ZNF790: variants seen among roughly 807,000 people sequenced by gnomAD.
The protein encoded by ZNF790 is zinc finger protein 790.
A neutral mutation model predicts 12.1 loss-of-function variants in ZNF790; 8 were observed. That is an observed-to-expected ratio of 0.66 (90% CI 0.39 to 1.19). The LOEUF (loss-of-function observed/expected upper bound fraction) is 1.19, where lower values mean the gene tolerates loss of function less well. Ranked by LOEUF, ZNF790 falls within the 50% of genes most tolerant of loss-of-function variation. ZNF790 has a pLI of 0.01. For missense variants in ZNF790, 707 were observed against 752.2 expected (o/e 0.94, Z 0.70); for synonymous variants, 252 against 244.3 (o/e 1.03, Z -0.29).
intron 1 of ZNF790, among the ~76,000 whole-genome samples, chr19:36,844,550 C>G (rs577223729): frequency 1.4e-4 from 22 of 151,866 alleles, no homozygotes; most frequent in Admixed American, 1.3e-3. Context: ...GGAGAAGAAC[C>G]CTATTTGAAG....
intron 1 of ZNF790, chr19:36,828,051 A>T: frequency 6.6e-6 from 1 of 152,224 alleles, no homozygotes; most frequent in African/African-American, 2.4e-5. Flanking sequence ...GCACTTTTCC[A>T]AGAAGAGTGA....
At chr19:36,841,847 T>C (rs1311413260), upstream of ZNF790, among the ~76,000 whole-genome samples, 8 of 110,020 alleles carry the variant, frequency 7.3e-5, 2 homozygotes, top group African/African-American at 2.8e-4. Flanking sequence ...AGACTCCATC[T>C]CGGGGTGGGG....
At chr19:36,821,478 A>G (rs2071669956) in intron 4 of ZNF790, among the ~76,000 whole-genome samples, 1 of 152,202 alleles carries the variant, frequency 6.6e-6, no homozygotes, top group African/African-American at 2.4e-5. Context: ...TAAGTGCCTG[A>G]CACAGGATAC....
chr19:36,840,744 A>C (rs1267153471), upstream of ZNF790, among the ~76,000 whole-genome samples: 1 of 152,234 alleles, frequency 6.6e-6, no homozygotes, highest in Admixed American at 6.5e-5. Flanking sequence ...CAGACCTGCT[A>C]TGTTAACTAA....
rs1164033539 is a variant in ZNF790 at position 36,838,104 on chromosome 19, GCGCACACACACACACACACACA to G, written c.-74+211_-74+232del. ...GCCTGTCAACGTCGTGTGCGCGTGC[GCGCACACACACACACACACACA>G]CATACACACACACACACACAAGCTC... On this transcript the variant is annotated intron_variant, in intron 1 of 4. Coordinates refer to ENST00000356725, the MANE Select transcript of ZNF790 (RefSeq NM_206894.4). The surrounding 1 kb of genome is among the most constrained non-coding windows in gnomAD (Gnocchi z 4.4). The G allele has an allele frequency of 2.5e-5, 1 of 39,608 alleles. No homozygotes were observed. Among genetic ancestry groups the G allele is most frequent in the Non-Finnish European group, 5.1e-5 (1 of 19,736 alleles). The allele number at this position is 39,608 out of a possible 1,614,324, so 2.5% of individuals were successfully genotyped here.
chr19:36,850,558 G>A (rs780677318), upstream of ZNF790: 3 of 152,358 alleles, frequency 2.0e-5, no homozygotes, highest in Non-Finnish European at 4.4e-5. Context: ...AACTGGCTTA[G>A]CTGGATTCTT....
At chr19:36,848,710 A>T (rs2072205171) in intron 1 of ZNF790, among the ~76,000 whole-genome samples, 1 of 152,136 alleles carries the variant, frequency 6.6e-6, no homozygotes, top group Non-Finnish European at 1.5e-5. Context: ...GAAGGAAGGG[A>T]GAAGACAGAA....
At chr19:36,824,097 C>T (rs1297536847) in intron 2 of ZNF790, among the ~76,000 whole-genome samples, 4 of 146,470 alleles carry the variant, frequency 2.7e-5, no homozygotes, top group Admixed American at 1.4e-4. Context: ...CCCGGGTTCA[C>T]GCCATTCTCC....
chr19:36,829,476 T>C (rs1024666956), intron 1 of ZNF790, among the ~76,000 whole-genome samples: 1 of 152,256 alleles, frequency 6.6e-6, no homozygotes, highest in African/African-American at 2.4e-5. Flanking sequence ...CATTCCTTGC[T>C]ATGCCTGAAT....
Position 36,819,121 on chromosome 19 carries a change from T to A in ZNF790, c.1223A>T (p.His408Leu), listed in dbSNP as rs767319593. ...KCGKAYIWSS[H>L]LARHQRIHTG... ...ATGAATTCGCTGATGTCGAGCAAGGTGTGAGCTCCAAATATAGGCTTTCCC... is the reference window on the plus strand; with the variant it reads ...ATGAATTCGCTGATGTCGAGCAAGGAGTGAGCTCCAAATATAGGCTTTCCC... The change falls in exon 5 of 5, where the codon CAC becomes CTC. Residue 408 changes from histidine (H) to leucine (L), a missense_variant. His to Leu is a moderately conservative substitution (Grantham distance 99). Transcript: ENST00000356725. 6.2e-7 allele frequency: 1 copy of A among 1,613,508 alleles called. No homozygotes were observed. Among genetic ancestry groups the A allele is most frequent in the African/African-American group, 1.3e-5 (1 of 74,884 alleles).
intron 1 of ZNF790, among the ~76,000 whole-genome samples, chr19:36,834,425 C>T (rs1466909991): frequency 6.6e-6 from 1 of 152,090 alleles, no homozygotes; most frequent in Non-Finnish European, 1.5e-5. Context: ...CTGGCACTTC[C>T]CAAAGGAAGA....
chr19:36,823,911 G>A (rs1013567538), intron 2 of ZNF790, 121 bp from the exon 3 acceptor site: 12 of 811,752 alleles, frequency 1.5e-5, no homozygotes, highest in Non-Finnish European at 1.9e-5. Context: ...TATATTGGGC[G>A]AAAAACTGGA....
chr19:36,823,477 G>T, intron 3 of ZNF790, 97 bp from the exon 4 acceptor site: 2 of 1,319,714 alleles, frequency 1.5e-6, no homozygotes, highest in Non-Finnish European at 2.1e-6. Flanking sequence ...ACAATTACAG[G>T]CAGGACAAAA....
At chr19:36,836,288 G>T (rs2072043065) in intron 1 of ZNF790, among the ~76,000 whole-genome samples, 1 of 151,988 alleles carries the variant, frequency 6.6e-6, no homozygotes, top group Non-Finnish European at 1.5e-5. Context: ...AACCAAAGAA[G>T]TTTAGTCTAA....
intron 4 of ZNF790, among the ~76,000 whole-genome samples, chr19:36,821,545 G>A (rs576828725): frequency 4.6e-5 from 7 of 152,166 alleles, no homozygotes; most frequent in African/African-American, 9.6e-5. Flanking sequence ...TGGAGAATAC[G>A]GGGAACTAGA....
At position 36,819,609 on chromosome 19, in the gene ZNF790, C is replaced by T; in HGVS notation, c.735G>A (p.Lys245=). The change falls in exon 5 of 5, where the codon AAG becomes AAA. Residue 245 remains lysine, a synonymous_variant. Coordinates refer to ENST00000356725, the MANE Select transcript of ZNF790 (RefSeq NM_206894.4). The part of the protein sequence containing the change: ...FSLRSSLTGH[K]RIHTGEKPFK... ...AAGGTTTCTCACCGGTATGAATTCT[C>T]TTATGACCAGTAAGACTCGAACGTA... 6.2e-7 allele frequency: 1 copy of T among 1,608,180 alleles called. No individual in the cohort carries two copies. Among genetic ancestry groups the T allele is most frequent in the East Asian group, 2.2e-5 (1 of 44,788 alleles).
At chr19:36,834,340 T>A (rs1051822554) in intron 1 of ZNF790, among the ~76,000 whole-genome samples, 1 of 151,608 alleles carries the variant, frequency 6.6e-6, no homozygotes, top group Non-Finnish European at 1.5e-5. Flanking sequence ...AAGGGACTCA[T>A]TCAGATTATA....
chr19:36,820,036 A>G lies in ZNF790; in HGVS notation c.308T>C (p.Ile103Thr). ...GCTGTGGTTTTTACAAATTCTCATTATTTCCAATTGGGCTATTTCTCTCTC... is the reference window on the plus strand; with the variant it reads ...GCTGTGGTTTTTACAAATTCTCATTGTTTCCAATTGGGCTATTTCTCTCTC... ...IFEREIAQLEIMRICKNHSLD... is the reference protein window; with the variant it reads ...IFEREIAQLETMRICKNHSLD... The change falls in exon 5 of 5, where the codon ATA (isoleucine) becomes ACA (threonine). Residue 103 changes from isoleucine to threonine, a missense_variant. Transcript: ENST00000356725. The G allele has an allele frequency of 6.2e-7, 1 of 1,613,254 alleles. No individual in the cohort carries two copies. The highest frequency in any genetic ancestry group is 1.3e-5 in the African/African-American group (1 of 75,036).
rs772943324 is a variant in ZNF790, at chr19:36,823,661, T to C, written c.133+6A>G. 1.2e-6 allele frequency: 2 copies of C among 1,601,366 alleles called. No individual in the cohort carries two copies. Among genetic ancestry groups the C allele is most frequent in the East Asian group, 2.2e-5 (1 of 44,850 alleles). On this transcript the variant is annotated splice_donor_region_variant and intron_variant, in intron 3 of 4. Transcript: ENST00000356725. ...AGGAATTTCTAAGGAAAATGCTGAA[T>C]CTTACCCAGTGAGACCATGTTGCTG...
Sources: allele counts gnomAD v4.1 joint callset (sites outside exome capture counted in the v4.1 genomes callset), GRCh38; gene constraint gnomAD v4.1.1; non-coding constraint Gnocchi (gnomAD v3.1); transcripts MANE v1.5; gene names NCBI Gene and HGNC (gene_info 2026-07-23, HGNC 2026-07-21).